Variants in UNG observed in about 807,000 individuals in gnomAD.
UNG encodes uracil-DNA glycosylase.
In UNG, 34 loss-of-function variants were observed where a neutral mutation model predicts 36.5. That is an observed-to-expected ratio of 0.93 (90% CI 0.71 to 1.24). The LOEUF (loss-of-function observed/expected upper bound fraction) is 1.24, where lower values mean the gene tolerates loss of function less well. Among genes scored for constraint, UNG ranks in the 50% most tolerant of loss-of-function variants. UNG has a pLI of 0.00. For missense variants in UNG, 391 were observed against 397.6 expected, an observed-to-expected ratio of 0.98 and a Z score of 0.14; for synonymous variants, 172 against 157.8, an observed-to-expected ratio of 1.09 and a Z score of -0.67.
rs746676631 is a variant in UNG at position 109,110,011 on chromosome 12, T to G, written c.*42T>G. 7 of 1,613,830 alleles carry G rather than the reference T, an allele frequency of 4.3e-6. No homozygotes were observed. The highest frequency in any genetic ancestry group is 5.1e-6 in the Non-Finnish European group (6 of 1,179,904). ...GGCCTTTGAGAAGCTGCTGTTAACGTATTTGCCAGTTACGAAGTTCCACTG... is the reference window on the plus strand; with the variant it reads ...GGCCTTTGAGAAGCTGCTGTTAACGGATTTGCCAGTTACGAAGTTCCACTG... On this transcript the variant is annotated 3_prime_UTR_variant, in exon 7 of 7. Transcript: ENST00000242576.
rs71079524 is a variant in UNG, at chr12:109,109,763, C to CAA, written c.802-49_802-48dup. 2.6e-3 allele frequency: 3,401 copies of CAA among 1,293,658 alleles called. 12 individuals are homozygous for CAA. The highest frequency in any genetic ancestry group is 0.021 in the African/African-American group (1,030 of 49,178). 80.1% of individuals were successfully genotyped at this position (1,293,658 alleles called of 1,614,324 possible). A position where few individuals can be genotyped will look rare whatever the true frequency, so the allele number is the denominator to read the frequency against. ...ACGCCACTGCAGCAAGACTCTGTCTCAAAAAAAAAAAAAAAAAATTTAAAA... is the reference window on the plus strand; with the variant it reads ...ACGCCACTGCAGCAAGACTCTGTCTCAAAAAAAAAAAAAAAAAAAATTTAAAA... On this transcript the variant is annotated intron_variant, in intron 6 of 6. Transcript: ENST00000242576.
Position 109,102,016 on chromosome 12 carries a change from G to T in UNG, c.533+17G>T, listed in dbSNP as rs755840023. 1.8e-5 allele frequency: 29 copies of T among 1,607,370 alleles called. 1 individual carries two copies. In the Admixed American group the frequency reaches 2.5e-4, roughly 14 times the overall value. ...TCCGCCCAGGTACAGTTGCTTTACA[G>T]GTGACTGCAGTCCAGACATGATTCC... On this transcript the variant is annotated intron_variant, in intron 4 of 6. Coordinates refer to ENST00000242576, the MANE Select transcript of UNG (RefSeq NM_080911.3).
At position 109,108,125 on chromosome 12, in the gene UNG, T is replaced by A. The variant is rs2042231369; in HGVS notation, c.802-1704T>A. Among the ~76,000 whole-genome samples, 7 of 152,368 alleles carry A rather than the reference T, an allele frequency of 4.6e-5. No individual in the cohort carries two copies. The South Asian group carries it at 1.4e-3, about 32-fold the overall frequency. ...TTATGTGGTTTTACATTGTAAGAACTTTAGAAAAATACATTTAGCCAGTTC... is the reference window on the plus strand; with the variant it reads ...TTATGTGGTTTTACATTGTAAGAACATTAGAAAAATACATTTAGCCAGTTC... On this transcript the variant is annotated intron_variant, in intron 6 of 6. Transcript: ENST00000242576.
chr12:109,104,700 G>A (rs771101442), intron 6 of UNG, among the ~76,000 whole-genome samples: 1 of 152,102 alleles, frequency 6.6e-6, no homozygotes. Context: ...GGGAGAGATA[G>A]GGGGTGGGAA....
intron 1 of UNG, chr12:109,098,115 G>A: frequency 7.2e-7 from 1 of 1,379,544 alleles, no homozygotes; most frequent in East Asian, 2.7e-5. Context: ...GTTTTTTGCC[G>A]CGAAAAGACC....
chr12:109,100,933 A>C (rs1306494691), intron 3 of UNG, among the ~76,000 whole-genome samples: 1 of 152,044 alleles, frequency 6.6e-6, no homozygotes, highest in Non-Finnish European at 1.5e-5. Flanking sequence ...GGGAAGGACG[A>C]GGCGGCCTAT....
At chr12:109,103,639 CTT>C in intron 6 of UNG, 28 bp downstream of exon 6, 1 of 1,382,696 alleles carries the variant, frequency 7.2e-7, no homozygotes, top group Non-Finnish European at 9.9e-7. Flanking sequence ...TCTTTTTTTT[CTT>C]TTTTTTTTAA....
At chr12:109,104,056 T>TTTTTTGTTTTTTTC (rs2042199043) in intron 6 of UNG, among the ~76,000 whole-genome samples, 1 of 39,808 alleles carries the variant, frequency 2.5e-5, no homozygotes, top group East Asian at 2.0e-3. Flanking sequence ...TGTTTCTGGG[T>TTTTTTGTTTTTTTC]TTTTTGTTTT....
chr12:109,103,488 T>C lies in UNG; in HGVS notation c.678T>C (p.His226=), dbSNP rs778953799. The C allele has an allele frequency of 3.7e-6, 6 of 1,614,186 alleles. No homozygotes were observed. The highest frequency in any genetic ancestry group is 1.1e-5 in the South Asian group (1 of 91,084). The change falls in exon 6 of 7, where the codon CAT becomes CAC. Residue 226 remains histidine, a synonymous_variant. Coordinates refer to ENST00000242576, the MANE Select transcript of UNG (RefSeq NM_080911.3). ...TTCGTGCCCATCAAGCCAACTCTCATAAGGAGCGAGGCTGGGAGCAGTTCA... is the reference window on the plus strand; with the variant it reads ...TTCGTGCCCATCAAGCCAACTCTCACAAGGAGCGAGGCTGGGAGCAGTTCA... ...LTVRAHQANS[H]KERGWEQFTD...
chr12:109,099,314 G>A (rs959465818), intron 3 of UNG, 30 bp downstream of exon 3: 3 of 1,574,418 alleles, frequency 1.9e-6, no homozygotes, highest in Non-Finnish European at 1.7e-6. Flanking sequence ...AATTTTTATT[G>A]GGGAGAAGGA....
At chr12:109,101,850 G>T (rs1302718191) in intron 3 of UNG, 52 bp from the exon 4 acceptor site, 11 of 1,492,816 alleles carry the variant, frequency 7.4e-6, no homozygotes, top group South Asian at 1.1e-5. Context: ...GGCAGGGTCT[G>T]TGCTGCTTAC....
At chr12:109,106,262 T>G (rs1352605030) in intron 6 of UNG, among the ~76,000 whole-genome samples, 3 of 152,064 alleles carry the variant, frequency 2.0e-5, no homozygotes, top group Admixed American at 6.6e-5. Flanking sequence ...CAGCTTAGAG[T>G]TGCAGCAACT....
At chr12:109,106,772 G>T (rs577045337) in intron 6 of UNG, among the ~76,000 whole-genome samples, 17 of 146,380 alleles carry the variant, frequency 1.2e-4, no homozygotes, top group African/African-American at 4.0e-4. Context: ...GGCGGCGTGT[G>T]CCTGTAGTCC....
rs2042252115 is a variant in UNG, at chr12:109,110,401, A to C, written c.*432A>C. 4.4e-6 allele frequency: 1 copy of C among 228,388 alleles called. No individual in the cohort carries two copies. The highest frequency in any genetic ancestry group is 8.8e-6 in the Non-Finnish European group (1 of 113,656). The allele number at this position is 228,388 out of a possible 1,614,324, so 14.1% of individuals were successfully genotyped here. ...AAAGGTCCCCTTGTCTCAGCCTTGC[A>C]GGGCAGGCATGCCAGTCTCTGCCAG... On this transcript the variant is annotated 3_prime_UTR_variant, in exon 7 of 7. Coordinates refer to ENST00000242576, the MANE Select transcript of UNG (RefSeq NM_080911.3).
In UNG at chr12:109,099,230, T is replaced by A. The variant is rs1349806859; in HGVS notation, c.381T>A (p.Val127=). Residue 127 remains valine (V), a synonymous_variant, in exon 3 of 7, where the codon GTT becomes GTA. Transcript: ENST00000242576. ...CAGAAGAAAGAAAGCATTACACTGT[T>A]TATCCACCCCCACACCAAGTCTTCA... ...FVAEERKHYT[V]YPPPHQVFTW... The A allele has an allele frequency of 6.2e-7, 1 of 1,613,916 alleles. No homozygotes were observed. Among genetic ancestry groups the A allele is most frequent in the African/African-American group, 1.3e-5 (1 of 74,930 alleles).
At chr12:109,099,677 T>C (rs1593319669) in intron 3 of UNG, among the ~76,000 whole-genome samples, 2 of 152,238 alleles carry the variant, frequency 1.3e-5, no homozygotes, top group African/African-American at 4.8e-5. Flanking sequence ...TTTCAAGCTC[T>C]TGACTTCTGG....
At position 109,102,894 on chromosome 12, in the gene UNG, G is replaced by A. The variant is rs1178956461; in HGVS notation, c.589G>A (p.Gly197Ser). The change falls in exon 5 of 7, where the codon GGC becomes AGC. Residue 197 changes from glycine to serine, a missense_variant. Coordinates refer to ENST00000242576, the MANE Select transcript of UNG (RefSeq NM_080911.3). Reference protein sequence around the residue: ...STDIEDFVHPGHGDLSGWAKQ... With the variant: ...STDIEDFVHPSHGDLSGWAKQ... ...AGACATAGAGGATTTTGTTCATCCT[G>A]GCCATGGAGATTTATCTGGGTGGGC... is the stretch of plus-strand genomic sequence containing the variant. The A allele has an allele frequency of 3.1e-6, 5 of 1,613,024 alleles. No individual in the cohort carries two copies. The South Asian group carries it at 5.5e-5, about 18-fold the overall frequency.
chr12:109,102,324 TGCTTTG>T (rs1164912699), intron 4 of UNG, among the ~76,000 whole-genome samples: 2 of 152,040 alleles, frequency 1.3e-5, no homozygotes, highest in African/African-American at 4.8e-5. Context: ...TAAGAACCAC[TGCTTTG>T]GGCCGGGCGC....
chr12:109,099,306 T>A, intron 3 of UNG, 22 bp downstream of exon 3: 4 of 1,597,090 alleles, frequency 2.5e-6, no homozygotes, highest in Non-Finnish European at 3.4e-6. Context: ...TTGTTGATAA[T>A]TTTTATTGGG....
Sources: gnomAD v4.1 joint callset for allele counts (sites outside exome capture counted in the v4.1 genomes callset) on GRCh38, gnomAD v4.1.1 for gene constraint, MANE v1.5 for transcripts, NCBI Gene and HGNC (gene_info 2026-07-23, HGNC 2026-07-21) for gene names.